The following CCDC7 variants were observed in gnomAD, a reference collection of about 807,000 sequenced individuals.
CCDC7 encodes the protein coiled-coil domain containing 7.
CCDC7 carries 183 observed loss-of-function variants against 196.9 expected under a neutral mutation model. The observed-to-expected ratio is 0.93, with a 90% CI of 0.82 to 1.05. The LOEUF is 1.05. CCDC7 is among the 50% of genes least tolerant of loss of function. The pLI, the probability that CCDC7 is intolerant of heterozygous loss-of-function variation, is 0.00. For missense variants in CCDC7, 1,540 were observed against 1,482.2 expected (o/e 1.04, Z -0.64); for synonymous variants, 525 against 484.6 (o/e 1.08, Z -1.10).
chr10:32,703,661 G>A (rs1297781669), intron 24 of CCDC7, among the ~76,000 whole-genome samples: 2 of 152,046 alleles, frequency 1.3e-5, no homozygotes, highest in South Asian at 2.1e-4. Context: ...CCAATCAGAC[G>A]TAGATTTGGT....
intron 9 of CCDC7, among the ~76,000 whole-genome samples, chr10:32,498,139 A>T (rs1390835244): frequency 2.0e-5 from 3 of 152,036 alleles, no homozygotes; most frequent in Non-Finnish European, 4.4e-5. Flanking sequence ...TCCCTTTATG[A>T]TTATGTAATG....
chr10:32,655,945 GACTATTA>G (rs1415724897), intron 20 of CCDC7, among the ~76,000 whole-genome samples: 2 of 152,108 alleles, frequency 1.3e-5, no homozygotes, highest in African/African-American at 4.8e-5. Context: ...TACGTATTTT[GACTATTA>G]ACTCCTTATC....
chr10:32,464,690 T>A (rs1588838515), intron 5 of CCDC7, among the ~76,000 whole-genome samples: 1 of 152,200 alleles, frequency 6.6e-6, no homozygotes, highest in East Asian at 1.9e-4. Context: ...GTATTTTTTT[T>A]AGTAGAGATG....
chr10:32,695,104 C>T, intron 24 of CCDC7, 112 bp downstream of exon 25: 1 of 484,546 alleles, frequency 2.1e-6, no homozygotes, highest in Middle Eastern at 5.9e-4. Context: ...AAATTTTATA[C>T]TTTACAGTGT....
intron 9 of CCDC7, chr10:32,511,410 T>C: frequency 6.2e-7 from 1 of 1,609,064 alleles, no homozygotes; most frequent in Non-Finnish European, 8.5e-7. Context: ...GCTGCACCTC[T>C]GTCCAGCTTG....
chr10:32,508,460 C>G (rs1446764712), intron 9 of CCDC7, among the ~76,000 whole-genome samples: 1 of 152,090 alleles, frequency 6.6e-6, no homozygotes, highest in African/African-American at 2.4e-5. Flanking sequence ...CAAATAAGTC[C>G]ATGTACCCAA....
intron 41 of CCDC7, among the ~76,000 whole-genome samples, chr10:32,864,279 T>C (rs1207819285): frequency 6.6e-6 from 1 of 151,600 alleles, no homozygotes; most frequent in African/African-American, 2.4e-5. Context: ...GAATAACAAC[T>C]GTTGGTAAGG....
chr10:32,842,482 T>C (rs1213720632), intron 33 of CCDC7, among the ~76,000 whole-genome samples: 1 of 152,128 alleles, frequency 6.6e-6, no homozygotes, highest in African/African-American at 2.4e-5. Flanking sequence ...GAAACATTTT[T>C]ACACTGTTGG....
intron 29 of CCDC7, among the ~76,000 whole-genome samples, chr10:32,783,377 T>C (rs915816081): frequency 1.1e-4 from 17 of 152,222 alleles, no homozygotes; most frequent in Admixed American, 9.8e-4. Context: ...AGAGGAGATA[T>C]ACAAGTTGCT....
rs1341222630 is a variant in CCDC7, at chr10:32,659,002, A to AT, written c.2015-5049dup. ...GAATAAGCTCTTAGTTTTGTTGACC[A>AT]TTTCTAGAGTTTTTCTAGTCTCTAT... On this transcript the variant is annotated intron_variant, in intron 20 of 41. Transcript: ENST00000639629. 5.4e-5 allele frequency among the ~76,000 whole-genome samples: 8 copies of AT among 147,926 alleles called. No individual in the cohort carries two copies. The East Asian group carries it at 1.7e-3, about 31-fold the overall frequency.
chr10:32,660,259 A>G (rs1231951770), intron 20 of CCDC7, among the ~76,000 whole-genome samples: 197 of 141,410 alleles, frequency 1.4e-3, no homozygotes, highest in African/African-American at 4.8e-3. Context: ...ATATCTCCCA[A>G]TGCTATCCCT....
intron 18 of CCDC7, among the ~76,000 whole-genome samples, chr10:32,588,822 A>C (rs1164559406): frequency 6.6e-6 from 1 of 151,966 alleles, no homozygotes; most frequent in Non-Finnish European, 1.5e-5. Flanking sequence ...CAATTTTCTT[A>C]CTAGTTATAG....
chr10:32,470,872 G>A (rs953502906), intron 5 of CCDC7, among the ~76,000 whole-genome samples, 192 bp from the exon 7 acceptor site: 2 of 152,036 alleles, frequency 1.3e-5, no homozygotes, highest in African/African-American at 4.8e-5. Flanking sequence ...CCATCACTGA[G>A]CTATAGTTCT....
intron 18 of CCDC7, among the ~76,000 whole-genome samples, chr10:32,611,521 C>T (rs1051396897): frequency 2.0e-5 from 3 of 152,108 alleles, no homozygotes; most frequent in African/African-American, 4.8e-5. Flanking sequence ...ATGGTATTGC[C>T]TAGGTTTTCT....
At chr10:32,482,950 A>T (rs1393056912) in intron 8 of CCDC7, among the ~76,000 whole-genome samples, 1 of 152,186 alleles carries the variant, frequency 6.6e-6, no homozygotes. Context: ...ATAGTGCCGC[A>T]ATAAACATAC....
intron 29 of CCDC7, among the ~76,000 whole-genome samples, chr10:32,803,699 T>C (rs2085259929): frequency 6.6e-6 from 1 of 152,192 alleles, no homozygotes; most frequent in Non-Finnish European, 1.5e-5. Flanking sequence ...TGTCTGTCTA[T>C]ATCTTTTAAT....
upstream of CCDC7, among the ~76,000 whole-genome samples, chr10:32,443,587 A>T (rs1374461300): frequency 6.6e-6 from 1 of 152,174 alleles, no homozygotes; most frequent in African/African-American, 2.4e-5. Flanking sequence ...TTCCCCATTG[A>T]AGTGCACTGG....
chr10:32,789,378 A>G (rs895413194), intron 29 of CCDC7, among the ~76,000 whole-genome samples: 1 of 152,220 alleles, frequency 6.6e-6, no homozygotes. Context: ...TGAACTCAAT[A>G]AAGAGATAGA....
At chr10:32,881,732 GCCCCCCACA>G (rs2094798021), downstream of CCDC7, among the ~76,000 whole-genome samples, 1 of 150,966 alleles carries the variant, frequency 6.6e-6, no homozygotes, top group African/African-American at 2.4e-5. Flanking sequence ...TTCTTTACCC[GCCCCCCACA>G]CCCCACAATT....
Sources: gnomAD v4.1 joint callset for allele counts (sites outside exome capture counted in the v4.1 genomes callset) on GRCh38, gnomAD v4.1.1 for gene constraint, MANE v1.5 for transcripts, NCBI Gene and HGNC (gene_info 2026-07-23, HGNC 2026-07-21) for gene names.